The following TRPM3 variants were observed in gnomAD, a reference collection of about 807,000 sequenced individuals.
The protein encoded by TRPM3 is transient receptor potential cation channel subfamily M member 3, also known as long transient receptor potential channel 3.
Under a neutral mutation model 181.2 loss-of-function variants are expected in TRPM3, and 77 were observed. The ratio of observed to expected loss-of-function variants is 0.42; its 90% CI spans 0.35 to 0.51. The LOEUF (loss-of-function observed/expected upper bound fraction) is 0.51, where lower values mean the gene tolerates loss of function less well. TRPM3 is among the 20% of genes least tolerant of loss of function. The probability of loss-of-function intolerance (pLI) is 0.01; values close to 1 mark genes in which losing one functional copy is unlikely to be tolerated. For synonymous variants in TRPM3, 745 were observed against 796.4 expected (o/e 0.94, Z 1.09); for missense variants, 1,759 against 2,196.7 (o/e 0.80, Z 3.98).
At chr9:71,036,862 A>G (rs1423867536) in intron 1 of TRPM3, among the ~76,000 whole-genome samples, 5 of 152,358 alleles carry the variant, frequency 3.3e-5, no homozygotes, top group Non-Finnish European at 7.3e-5. Flanking sequence ...ATGTACTCAA[A>G]TATGAGTAAA....
intron 8 of TRPM3, among the ~76,000 whole-genome samples, chr9:70,752,458 T>A (rs1376704139): frequency 2.6e-5 from 4 of 152,146 alleles, no homozygotes. Context: ...TTTAGTAGAA[T>A]ATATAGAAGA....
intron 1 of TRPM3, among the ~76,000 whole-genome samples, chr9:71,220,273 A>G (rs749788318): frequency 6.6e-6 from 1 of 152,146 alleles, no homozygotes; most frequent in Non-Finnish European, 1.5e-5. Flanking sequence ...TAGGGGCATT[A>G]GAATAGTTAG....
chr9:70,872,860 T>G (rs2095811618), intron 1 of TRPM3, among the ~76,000 whole-genome samples: 1 of 151,940 alleles, frequency 6.6e-6, no homozygotes, highest in South Asian at 2.1e-4. Context: ...TGGAAAATGA[T>G]GGCATCAGGT....
At chr9:71,014,133 A>G (rs1017060676) in intron 1 of TRPM3, among the ~76,000 whole-genome samples, 5 of 151,924 alleles carry the variant, frequency 3.3e-5, no homozygotes, top group Non-Finnish European at 5.9e-5. Context: ...TAACATCATT[A>G]TTTTGTAAAA....
chr9:70,838,662 G>T (rs2094462259), intron 5 of TRPM3, among the ~76,000 whole-genome samples: 1 of 152,118 alleles, frequency 6.6e-6, no homozygotes, highest in Non-Finnish European at 1.5e-5. Flanking sequence ...TGAAGTGTAG[G>T]ATTATGGATA....
At chr9:71,009,238 G>A (rs944055868) in intron 1 of TRPM3, among the ~76,000 whole-genome samples, 3 of 152,036 alleles carry the variant, frequency 2.0e-5, no homozygotes, top group Admixed American at 1.3e-4. Context: ...CAAGAGAAAG[G>A]AATAAAGGGC....
At position 71,390,727 on chromosome 9, in the gene TRPM3, G is replaced by T. The variant is rs1238085544; in HGVS notation, c.183+55926C>A. Among the ~76,000 whole-genome samples, 3 of 152,044 alleles carry T rather than the reference G, an allele frequency of 2.0e-5. No individual in the cohort carries two copies. In the South Asian group the frequency reaches 6.2e-4, roughly 32 times the overall value. ...ATACTATAGGCCAGATACTATGCTT[G>T]GTTCTGTAGTAACAACAACAAATGA... On this transcript the variant is annotated intron_variant, in intron 1 of 24. Coordinates refer to the TRPM3 transcript ENST00000357533.
chr9:71,416,026 T>TA (rs1360946777), intron 1 of TRPM3, among the ~76,000 whole-genome samples: 5 of 150,338 alleles, frequency 3.3e-5, no homozygotes, highest in African/African-American at 1.2e-4. Flanking sequence ...TTTTTTTTTT[T>TA]ACTTTCCATT....
At chr9:71,176,503 T>C (rs2077112867) in intron 1 of TRPM3, among the ~76,000 whole-genome samples, 1 of 151,972 alleles carries the variant, frequency 6.6e-6, no homozygotes, top group Non-Finnish European at 1.5e-5. Context: ...TACAAAAGAG[T>C]CAGGAAGTCA....
At chr9:71,443,740 G>A (rs888584071) in intron 1 of TRPM3, among the ~76,000 whole-genome samples, 9 of 151,950 alleles carry the variant, frequency 5.9e-5, no homozygotes, top group African/African-American at 1.9e-4. Context: ...AAGTCAAGCC[G>A]ACCTCCCCTA....
chr9:70,940,299 G>A (rs997339767), intron 1 of TRPM3, among the ~76,000 whole-genome samples: 2 of 152,298 alleles, frequency 1.3e-5, no homozygotes, highest in South Asian at 2.1e-4. Flanking sequence ...AACCTACAAA[G>A]TCGTAAAGCT....
intron 8 of TRPM3, among the ~76,000 whole-genome samples, chr9:70,688,875 C>T (rs940266310): frequency 1.3e-5 from 2 of 152,174 alleles, no homozygotes; most frequent in Non-Finnish European, 2.9e-5. Context: ...CAGGATGCCA[C>T]TTCCAATCTC....
At chr9:71,335,327 T>C (rs1281542255) in intron 1 of TRPM3, among the ~76,000 whole-genome samples, 3 of 152,014 alleles carry the variant, frequency 2.0e-5, no homozygotes, top group African/African-American at 4.8e-5. Flanking sequence ...CAGATTACAA[T>C]TTTTTTTCAA....
At position 71,303,519 on chromosome 9, in the gene TRPM3, G is replaced by A. The variant is rs145268529; in HGVS notation, c.183+143134C>T. Among the ~76,000 whole-genome samples, 972 of 152,260 alleles carry A rather than the reference G, an allele frequency of 6.4e-3. 4 individuals carry two copies. The highest frequency in any genetic ancestry group is 0.01 in the Middle Eastern group (3 of 294). On this transcript the variant is annotated intron_variant, in intron 1 of 24. Transcript: ENST00000357533. ...TCAGAGTGACTAAGGTAAAATACATGCGTGAGCAATCCCCATACCACTAGC... is the reference window on the plus strand; with the variant it reads ...TCAGAGTGACTAAGGTAAAATACATACGTGAGCAATCCCCATACCACTAGC...
intron 5 of TRPM3, among the ~76,000 whole-genome samples, chr9:70,835,736 G>A (rs2094276591): frequency 6.6e-6 from 1 of 151,964 alleles, no homozygotes; most frequent in Non-Finnish European, 1.5e-5. Flanking sequence ...GTATTATAAG[G>A]CTTAACTGAG....
intron 1 of TRPM3, among the ~76,000 whole-genome samples, chr9:71,431,847 C>T (rs2093958664): frequency 6.6e-6 from 1 of 152,164 alleles, no homozygotes; most frequent in African/African-American, 2.4e-5. Context: ...TTCTCTCTTA[C>T]TTCATCTTCT....
chr9:70,831,962 A>AATTATATATATATAT (rs1554730386), intron 5 of TRPM3, among the ~76,000 whole-genome samples: 2 of 64,254 alleles, frequency 3.1e-5, no homozygotes, highest in Non-Finnish European at 5.6e-5. Flanking sequence ...GTACCCCATA[A>AATTATATATATATAT]ATATATATAT....
At chr9:71,013,161 G>C (rs752699763) in intron 1 of TRPM3, among the ~76,000 whole-genome samples, 52 of 152,038 alleles carry the variant, frequency 3.4e-4, no homozygotes, top group Non-Finnish European at 7.2e-4. Context: ...TTTAAATCAG[G>C]AACGGGTGGT....
chr9:70,819,012 T>C (rs1762393322), intron 6 of TRPM3, among the ~76,000 whole-genome samples: 1 of 152,236 alleles, frequency 6.6e-6, no homozygotes, highest in African/African-American at 2.4e-5. Flanking sequence ...CATATGTCTT[T>C]ACACTTGTAT....
Sources: allele counts gnomAD v4.1 joint callset (sites outside exome capture counted in the v4.1 genomes callset), GRCh38; gene constraint gnomAD v4.1.1; transcripts MANE v1.5; gene names NCBI Gene and HGNC (gene_info 2026-07-23, HGNC 2026-07-21).